MDM2: variants seen among roughly 807,000 people sequenced by gnomAD.
MDM2 encodes E3 ubiquitin-protein ligase Mdm2.
In MDM2, 11 loss-of-function variants were observed where a neutral mutation model predicts 64.3. That is an observed-to-expected ratio of 0.17 (90% confidence interval 0.11 to 0.28). The LOEUF (loss-of-function observed/expected upper bound fraction) is 0.28. Ranked by LOEUF, MDM2 falls within the 10% of genes least tolerant of loss-of-function variation. The pLI is 1.00. For synonymous variants in MDM2, 194 were observed against 192.9 expected (o/e 1.01, Z -0.05); for missense variants, 388 against 577.1 (o/e 0.67, Z 3.36).
At chr12:68,823,963 T>TA (rs1565738369) in intron 5 of MDM2, among the ~76,000 whole-genome samples, 2 of 152,162 alleles carry the variant, frequency 1.3e-5, no homozygotes, top group Admixed American at 6.5e-5. Flanking sequence ...GAACTGTTGT[T>TA]AGTTTGCTTT....
At chr12:68,827,189 TAAAA>T (rs528795485) in intron 7 of MDM2, among the ~76,000 whole-genome samples, 1 of 152,040 alleles carries the variant, frequency 6.6e-6, no homozygotes. Flanking sequence ...AAGAAAATGA[TAAAA>T]AAAGTCCTTT....
intron 8 of MDM2, among the ~76,000 whole-genome samples, chr12:68,831,399 C>T (rs1882785178): frequency 6.6e-6 from 1 of 152,114 alleles, no homozygotes; most frequent in African/African-American, 2.4e-5. Context: ...GTCATTTAGC[C>T]CTCAAGAAAA....
At chr12:68,826,821 T>C (rs1274909648) in intron 7 of MDM2, among the ~76,000 whole-genome samples, 1 of 152,044 alleles carries the variant, frequency 6.6e-6, no homozygotes, top group Non-Finnish European at 1.5e-5. Context: ...ATCACCTTTT[T>C]AAAAATAGGG....
In MDM2 at chr12:68,808,488, G is replaced by C. The variant is rs1411053475; in HGVS notation, c.11G>C (p.Ser4Thr). 1 of 1,614,162 alleles carries C rather than the reference G, an allele frequency of 6.2e-7. No individual in the cohort carries two copies. Among genetic ancestry groups the C allele is most frequent in the East Asian group, 2.2e-5 (1 of 44,874 alleles). The change falls in exon 1 of 11, where the codon AGC becomes ACC. Residue 4 changes from serine (S) to threonine (T), a missense_variant. Ser to Thr is a moderately conservative substitution (Grantham distance 58). This residue lies in a region of MDM2 where 46 missense variants were observed against 45.2 expected (regional missense o/e 1.02). Transcript: ENST00000258149. MVR[S>T]RQMCNTNMSV... ...GCGCGAAAACCCCGGATGGTGAGGA[G>C]CAGGTACTGGCCCGGCAGCGAGCGG...
chr12:68,822,423 T>C (rs1230237410), intron 5 of MDM2, among the ~76,000 whole-genome samples: 1 of 151,838 alleles, frequency 6.6e-6, no homozygotes, highest in Non-Finnish European at 1.5e-5. Context: ...TTTTTTTTAA[T>C]TATTATACTT....
At chr12:68,836,538 T>G in intron 9 of MDM2, 134 bp from the exon 10 acceptor site, 1 of 701,264 alleles carries the variant, frequency 1.4e-6, no homozygotes, top group Non-Finnish European at 2.6e-6. Context: ...TACACTCACT[T>G]ACTCTATTTG....
chr12:68,850,629 T>C, the MDM2 span: 40 of 152,368 alleles, frequency 2.6e-4, no homozygotes, highest in East Asian at 7.5e-3. Flanking sequence ...TGTTTACCAC[T>C]GTTCTCTGTA....
chr12:68,836,569 A>G (rs1486471768), intron 9 of MDM2, 103 bp from the exon 10 acceptor site: 3 of 825,982 alleles, frequency 3.6e-6, no homozygotes, highest in African/African-American at 3.4e-5. Context: ...AGGCTTTCTC[A>G]TATATTGTAG....
rs1883677198 is a variant in MDM2 at position 68,840,535 on chromosome 12, G to T, written c.*686G>T. 2.6e-5 allele frequency: 5 copies of T among 192,316 alleles called. No individual in the cohort carries two copies. The East Asian group carries it at 3.2e-4, about 12-fold the overall frequency. 11.9% of individuals were successfully genotyped at this position (192,316 alleles called of 1,614,324 possible). ...GTTTGTTTGTTTGTTTGTTTGTTTT[G>T]AGATGAGTCTCTCTGTCGCCCAGGC... On this transcript the variant is annotated 3_prime_UTR_variant, in exon 11 of 11. Transcript: ENST00000258149.
intron 5 of MDM2, among the ~76,000 whole-genome samples, chr12:68,823,757 C>G (rs1396673862): frequency 6.6e-6 from 1 of 152,160 alleles, no homozygotes; most frequent in Non-Finnish European, 1.5e-5. Flanking sequence ...AGTTTCATTT[C>G]TTGGACAAAA....
intron 3 of MDM2, chr12:68,814,708 A>G (rs978734922): frequency 8.7e-6 from 2 of 231,000 alleles, no homozygotes; most frequent in African/African-American, 2.3e-5. Context: ...ATTCATGACC[A>G]TATATTCTAT....
intron 4 of MDM2, 114 bp downstream of exon 4, chr12:68,817,059 C>T (rs1307179967): frequency 2.4e-6 from 3 of 1,252,616 alleles, no homozygotes; most frequent in African/African-American, 3.1e-5. Context: ...TAAAGACATG[C>T]TGAAACTTAA....
At chr12:68,816,430 TGGCGCAATCTC>T (rs3730525) in intron 3 of MDM2, among the ~76,000 whole-genome samples, 10,426 of 125,860 alleles carry the variant, frequency 0.083, 1,306 homozygotes, top group African/African-American at 0.28. Context: ...CGGAGTGCAG[TGGCGCAATCTC>T]GGCTCACTGC....
At chr12:68,847,816 A>C (rs1884438224), downstream of MDM2, 1 of 152,250 alleles carries the variant, frequency 6.6e-6, no homozygotes, top group Non-Finnish European at 1.5e-5. Context: ...GTTGATTGGC[A>C]TTGAAAGCAA....
Position 68,815,435 on chromosome 12 carries a change from T to TC in MDM2, c.175-1377_175-1376insC, listed in dbSNP as rs1367997370. Among the ~76,000 whole-genome samples, 304 of 135,104 alleles carry TC rather than the reference T, an allele frequency of 2.3e-3. 1 individual carries two copies. The highest frequency in any genetic ancestry group is 8.7e-3 in the African/African-American group (294 of 33,712). The allele number at this position is 135,104 out of a possible 152,430, so 88.6% of individuals were successfully genotyped here. ...AGAGCTGGGGCCAGTTTCTTCTTCT[T>TC]TTTTTTTTTTTTTTTTTTTTTTATG... On this transcript the variant is annotated intron_variant, in intron 3 of 10. Transcript: ENST00000258149.
intron 6 of MDM2, 42 bp from the exon 7 acceptor site, chr12:68,824,513 A>G (rs1882139697): frequency 1.9e-6 from 3 of 1,591,378 alleles, no homozygotes; most frequent in Middle Eastern, 1.7e-4. Context: ...CTTACTGGTT[A>G]TGTTAAGTTT....
chr12:68,824,420 G>C lies in MDM2; in HGVS notation c.416G>C (p.Ser139Thr), dbSNP rs774014032. The change falls in exon 6 of 11, where the codon AGT becomes ACT. Residue 139 changes from serine to threonine, a missense_variant. Ser to Thr is a moderately conservative substitution (Grantham distance 58, BLOSUM62 1). Around this residue, in one of 5 missense-constraint regions of MDM2, gnomAD observed 168 missense variants for 236.6 expected, o/e 0.71. Coordinates refer to ENST00000258149, the MANE Select transcript of MDM2 (RefSeq NM_002392.6). ...AACAGGTGTCACCTTGAAGGTGGGA[G>C]TGATCAAAAGGTAATCTAAGTAAAT... is the stretch of plus-strand genomic sequence containing the variant. ...SENRCHLEGG[S>T]DQKDLVQELQ... 1.2e-6 allele frequency: 2 copies of C among 1,613,690 alleles called. No homozygotes were observed. The highest frequency in any genetic ancestry group is 4.5e-5 in the East Asian group (2 of 44,882).
At chr12:68,845,551 A>C (rs918679794), downstream of MDM2, 1 of 186,652 alleles carries the variant, frequency 5.4e-6, no homozygotes, top group African/African-American at 2.3e-5. Flanking sequence ...GTCTTTAGAG[A>C]GAGGAGTGGT....
At chr12:68,816,362 C>CTTTTTTT (rs62874563) in intron 3 of MDM2, among the ~76,000 whole-genome samples, 4 of 61,084 alleles carry the variant, frequency 6.5e-5, no homozygotes, top group Admixed American at 2.7e-4. Flanking sequence ...TTAAAAGTAG[C>CTTTTTTT]TTTTTTTTTT....
Sources: allele counts gnomAD v4.1 joint callset (sites outside exome capture counted in the v4.1 genomes callset), GRCh38; gene constraint gnomAD v4.1.1; regional missense constraint gnomAD v4.1.1; transcripts MANE v1.5; gene names NCBI Gene and HGNC (gene_info 2026-07-23, HGNC 2026-07-21).